SMOC1: variants seen among roughly 807,000 people sequenced by gnomAD.
The protein encoded by SMOC1 is SPARC related modular calcium binding 1, also known as SPARC-related modular calcium-binding protein 1.
In SMOC1, 22 loss-of-function variants were observed where a neutral mutation model predicts 56.3. That is an observed-to-expected ratio of 0.39 (90% CI 0.28 to 0.56). The LOEUF (loss-of-function observed/expected upper bound fraction) is 0.56. Ranked by LOEUF, SMOC1 falls within the 20% of genes least tolerant of loss-of-function variation. The probability of loss-of-function intolerance (pLI) is 0.61; values close to 1 mark genes in which losing one functional copy is unlikely to be tolerated. For synonymous variants in SMOC1, 193 were observed against 215.0 expected (o/e 0.90, Z 0.89); for missense variants, 509 against 565.4 (o/e 0.90, Z 1.01).
chr14:70,024,137 G>A (rs1290822577), intron 11 of SMOC1, among the ~76,000 whole-genome samples: 1 of 152,154 alleles, frequency 6.6e-6, no homozygotes. Context: ...ACACATTCCT[G>A]GTCATAATTC....
intron 3 of SMOC1, among the ~76,000 whole-genome samples, chr14:69,955,564 T>C (rs1883152556): frequency 6.6e-6 from 1 of 152,110 alleles, no homozygotes; most frequent in South Asian, 2.1e-4. Context: ...TTAACACACA[T>C]GAAACACTTG....
chr14:69,918,982 G>T (rs1299932125), intron 1 of SMOC1, among the ~76,000 whole-genome samples: 14 of 151,966 alleles, frequency 9.2e-5, no homozygotes, highest in African/African-American at 3.1e-4. Flanking sequence ...GGGTTTTTTT[G>T]TTTGTTTGTT....
chr14:69,974,214 G>T (rs560321025), intron 3 of SMOC1, among the ~76,000 whole-genome samples: 6 of 152,150 alleles, frequency 3.9e-5, no homozygotes, highest in African/African-American at 1.4e-4. Flanking sequence ...TGAATCAACA[G>T]CTAGAGCTCA....
In SMOC1 at chr14:69,967,473, T is replaced by A. The variant is rs535412532; in HGVS notation, c.379-8242T>A. 3.2e-4 allele frequency among the ~76,000 whole-genome samples: 48 copies of A among 152,314 alleles called. 1 individual carries two copies. The highest frequency in any genetic ancestry group is 1.2e-3 in the Admixed American group (18 of 15,306). ...TCTTAAAACATTATGAGATTTTTTT[T>A]AAGCTCATCAGCTATTGTTAGTGTT... On this transcript the variant is annotated intron_variant, in intron 3 of 11. Transcript: ENST00000361956.
At chr14:70,029,290 C>A (rs925258809) in intron 11 of SMOC1, among the ~76,000 whole-genome samples, 2 of 152,138 alleles carry the variant, frequency 1.3e-5, no homozygotes, top group Non-Finnish European at 2.9e-5. Flanking sequence ...TTGTGTAAGT[C>A]GCCCCTCTGC....
chr14:69,981,277 G>T (rs1034433270), intron 5 of SMOC1, among the ~76,000 whole-genome samples: 1 of 152,132 alleles, frequency 6.6e-6, no homozygotes, highest in South Asian at 2.1e-4. Flanking sequence ...GCTCCAGGAG[G>T]GGAGGAGGGT....
intron 1 of SMOC1, among the ~76,000 whole-genome samples, chr14:69,932,876 G>A (rs1207018426): frequency 1.3e-5 from 2 of 152,124 alleles, no homozygotes; most frequent in Non-Finnish European, 2.9e-5. Flanking sequence ...TCTGTAAGCC[G>A]ATGAGACATT....
chr14:69,981,628 C>G (rs899977274), intron 5 of SMOC1, among the ~76,000 whole-genome samples: 5 of 152,096 alleles, frequency 3.3e-5, no homozygotes, highest in Admixed American at 6.5e-5. Flanking sequence ...CCCAAACAGC[C>G]CCTTTAGCTC....
chr14:69,997,822 A>G (rs1884822204), intron 7 of SMOC1, among the ~76,000 whole-genome samples: 1 of 152,016 alleles, frequency 6.6e-6, no homozygotes, highest in Non-Finnish European at 1.5e-5. Context: ...TTTTCATTAG[A>G]GTTTGATGGA....
At chr14:69,936,219 C>G (rs994005625) in intron 1 of SMOC1, among the ~76,000 whole-genome samples, 1 of 152,182 alleles carries the variant, frequency 6.6e-6, no homozygotes, top group Non-Finnish European at 1.5e-5. Flanking sequence ...TGCTGAGTGC[C>G]GCTGGCAGCC....
Position 70,028,687 on chromosome 14 carries a change from A to G in SMOC1, c.1292-1555A>G, listed in dbSNP as rs963893554. ...TGACCTTTCTACTCAGCAAGGAGAGAAGCAGCTGCTGGAGGGAGTGGAGGA... is the reference window on the plus strand; with the variant it reads ...TGACCTTTCTACTCAGCAAGGAGAGGAGCAGCTGCTGGAGGGAGTGGAGGA... On this transcript the variant is annotated intron_variant, in intron 11 of 11. Coordinates refer to ENST00000361956, the MANE Select transcript of SMOC1 (RefSeq NM_001034852.3). 3.3e-5 allele frequency among the ~76,000 whole-genome samples: 5 copies of G among 152,094 alleles called. No individual in the cohort carries two copies. In the East Asian group the frequency reaches 9.7e-4, roughly 29 times the overall value.
intron 5 of SMOC1, chr14:69,978,179 G>A: frequency 1.6e-6 from 1 of 616,342 alleles, no homozygotes; most frequent in Admixed American, 2.4e-5. Context: ...CCCAAGGGAG[G>A]TGACTGAGTA....
intron 9 of SMOC1, among the ~76,000 whole-genome samples, chr14:70,012,765 G>A (rs1885385077): frequency 6.6e-6 from 1 of 152,168 alleles, no homozygotes; most frequent in Admixed American, 6.5e-5. Context: ...TCTATAGAAG[G>A]TTCTTCTGTG....
chr14:69,879,580 C>T lies in SMOC1; in HGVS notation c.-99C>T. 1 of 970,034 alleles carries T rather than the reference C, an allele frequency of 1.0e-6. No homozygotes were observed. Among genetic ancestry groups the T allele is most frequent in the Non-Finnish European group, 1.4e-6 (1 of 725,124 alleles). 60.1% of individuals were successfully genotyped at this position (970,034 alleles called of 1,614,324 possible). A position where few individuals can be genotyped will look rare whatever the true frequency, so the allele number is the denominator to read the frequency against. ...AGGACCACGGCCCGCTCCCCGCCGC[C>T]GCGAGGGCCCCGAGCGAAGGAAGGA... On this transcript the variant is annotated 5_prime_UTR_variant, in exon 1 of 12. Transcript: ENST00000361956.
At chr14:69,992,304 G>A in intron 5 of SMOC1, 113 bp from the exon 6 acceptor site, 5 of 929,864 alleles carry the variant, frequency 5.4e-6, no homozygotes, top group Non-Finnish European at 8.7e-6. Flanking sequence ...TCTCTTCACT[G>A]GGACTTGGCC....
chr14:69,941,673 A>T (rs1193306734), intron 1 of SMOC1, among the ~76,000 whole-genome samples: 1 of 152,134 alleles, frequency 6.6e-6, no homozygotes. Context: ...GACAGCTGGG[A>T]ATTTTTAGGA....
At chr14:69,937,306 T>C (rs551957656) in intron 1 of SMOC1, among the ~76,000 whole-genome samples, 1 of 152,332 alleles carries the variant, frequency 6.6e-6, no homozygotes, top group Admixed American at 6.5e-5. Context: ...TTAAGGGTTA[T>C]AAATGTCTGG....
At chr14:69,943,348 C>T (rs1010389575) in intron 1 of SMOC1, among the ~76,000 whole-genome samples, 1 of 152,110 alleles carries the variant, frequency 6.6e-6, no homozygotes, top group Non-Finnish European at 1.5e-5. Flanking sequence ...GCCAGCAGGT[C>T]GAGGCCCTTC....
intron 3 of SMOC1, among the ~76,000 whole-genome samples, chr14:69,963,917 A>G (rs1255985969): frequency 6.6e-6 from 1 of 152,184 alleles, no homozygotes; most frequent in Non-Finnish European, 1.5e-5. Flanking sequence ...ACTGGTCCCC[A>G]TGCCCCCATC....
Sources: gnomAD v4.1 joint callset for allele counts (sites outside exome capture counted in the v4.1 genomes callset) on GRCh38, gnomAD v4.1.1 for gene constraint, MANE v1.5 for transcripts, NCBI Gene and HGNC (gene_info 2026-07-23, HGNC 2026-07-21) for gene names.